LINGO2: variants seen among roughly 807,000 people sequenced by gnomAD.
LINGO2 encodes the protein leucine rich repeat and Ig domain containing 2.
In LINGO2, 14 loss-of-function variants were observed where a neutral mutation model predicts 30.6. The ratio of observed to expected loss-of-function variants is 0.46; its 90% CI spans 0.30 to 0.72. The LOEUF (loss-of-function observed/expected upper bound fraction) is 0.72, where lower values mean the gene tolerates loss of function less well. Among genes scored for constraint, LINGO2 ranks in the 30% least tolerant of loss-of-function variants. The pLI is 0.07. For synonymous variants in LINGO2, 317 were observed against 288.5 expected (o/e 1.10, Z -1.00); for missense variants, 729 against 751.7 (o/e 0.97, Z 0.35).
chr9:28,611,395 G>C (rs1428887676), intron 1 of LINGO2, among the ~76,000 whole-genome samples: 1 of 151,846 alleles, frequency 6.6e-6, no homozygotes, highest in Non-Finnish European at 1.5e-5. Flanking sequence ...TTAAATGTGA[G>C]AGAGAGCATC....
chr9:28,506,511 T>G (rs1201525394), intron 1 of LINGO2, among the ~76,000 whole-genome samples: 9 of 49,188 alleles, frequency 1.8e-4, no homozygotes, highest in African/African-American at 2.3e-4. Context: ...CAGACATATA[T>G]ATATATATAT....
chr9:28,448,476 T>TA (rs1346687921), intron 2 of LINGO2, among the ~76,000 whole-genome samples: 2 of 152,086 alleles, frequency 1.3e-5, no homozygotes, highest in Non-Finnish European at 2.9e-5. Flanking sequence ...AGACGTTTGT[T>TA]AAAAAATACA....
At chr9:29,104,767 C>A in the LINGO2 span, among the ~76,000 whole-genome samples, 1 of 152,136 alleles carries the variant, frequency 6.6e-6, no homozygotes, top group African/African-American at 2.4e-5. Context: ...TTAAAAACTT[C>A]TATCATATGA....
At chr9:28,536,016 T>C (rs1162657629) in intron 1 of LINGO2, among the ~76,000 whole-genome samples, 6 of 152,160 alleles carry the variant, frequency 3.9e-5, no homozygotes, top group African/African-American at 1.4e-4. Flanking sequence ...TTTTATTTTA[T>C]TATTTTTGTT....
chr9:28,375,020 T>G (rs1205552069), intron 2 of LINGO2, among the ~76,000 whole-genome samples: 1 of 151,670 alleles, frequency 6.6e-6, no homozygotes, highest in African/African-American at 2.4e-5. Context: ...TTGGACCTTT[T>G]CTGGACTTTG....
intron 5 of LINGO2, among the ~76,000 whole-genome samples, chr9:27,972,019 AT>A (rs1820379494): frequency 1.3e-5 from 2 of 152,134 alleles, no homozygotes; most frequent in South Asian, 4.1e-4. Flanking sequence ...GTTTGTTTAT[AT>A]TTTTCTTCTT....
In LINGO2 at chr9:28,425,968, T is replaced by A. The variant is rs146015939; in HGVS notation, c.-279+49972A>T. 3.5e-3 allele frequency among the ~76,000 whole-genome samples: 530 copies of A among 152,162 alleles called. 6 individuals are homozygous for A. Among genetic ancestry groups the A allele is most frequent in the Non-Finnish European group, 5.3e-3 (363 of 67,978 alleles). On this transcript the variant is annotated intron_variant, in intron 2 of 5. Transcript: ENST00000379992. ...TTTTTGAGATCTACTTTAGGCGTAT[T>A]TTCAAGATTAAATTCATCTATAACT...
intron 4 of LINGO2, among the ~76,000 whole-genome samples, chr9:28,283,730 G>A (rs903132834): frequency 4.6e-5 from 7 of 152,036 alleles, no homozygotes; most frequent in African/African-American, 1.7e-4. Context: ...CTACATTTCA[G>A]AGTACACATA....
chr9:28,744,760 C>T, the LINGO2 span, among the ~76,000 whole-genome samples: 1 of 151,320 alleles, frequency 6.6e-6, no homozygotes. Context: ...CCTTAGCATC[C>T]TGAGTAGCTG....
chr9:28,730,823 T>C, the LINGO2 span, among the ~76,000 whole-genome samples: 2 of 152,216 alleles, frequency 1.3e-5, no homozygotes, highest in African/African-American at 4.8e-5. Flanking sequence ...CTGAAAAACC[T>C]ATCAGAATAG....
chr9:28,789,048 A>T, the LINGO2 span, among the ~76,000 whole-genome samples: 2 of 152,210 alleles, frequency 1.3e-5, no homozygotes, highest in Non-Finnish European at 2.9e-5. Flanking sequence ...TATAATCCTC[A>T]TAGCATATGT....
intron 4 of LINGO2, among the ~76,000 whole-genome samples, chr9:28,195,208 C>T (rs10968379): frequency 2.6e-5 from 4 of 151,426 alleles, no homozygotes; most frequent in Admixed American, 6.6e-5. Context: ...GTATAGGAAC[C>T]AGCTACAATA....
chr9:29,013,901 G>C, the LINGO2 span, among the ~76,000 whole-genome samples: 1 of 151,904 alleles, frequency 6.6e-6, no homozygotes, highest in East Asian at 1.9e-4. Context: ...TAACTCATCA[G>C]GCACTTCATT....
intron 5 of LINGO2, among the ~76,000 whole-genome samples, chr9:28,010,490 A>G (rs1294619472): frequency 2.6e-5 from 4 of 152,142 alleles, no homozygotes; most frequent in African/African-American, 4.8e-5. Flanking sequence ...TTACATGGAA[A>G]CTCAATGTAT....
At chr9:29,172,384 A>G in the LINGO2 span, among the ~76,000 whole-genome samples, 1 of 151,830 alleles carries the variant, frequency 6.6e-6, no homozygotes, top group African/African-American at 2.4e-5. Context: ...ACTCAAATTT[A>G]TTCCCAGGAA....
intron 1 of LINGO2, among the ~76,000 whole-genome samples, chr9:28,581,488 T>C (rs1824255528): frequency 6.6e-6 from 1 of 151,114 alleles, no homozygotes; most frequent in Non-Finnish European, 1.5e-5. Flanking sequence ...AAACCCAAGA[T>C]TCATGTAAAT....
chr9:29,160,683 G>A, the LINGO2 span, among the ~76,000 whole-genome samples: 4 of 152,058 alleles, frequency 2.6e-5, no homozygotes, highest in Non-Finnish European at 4.4e-5. Flanking sequence ...TAATGCTAAG[G>A]GACAGATATA....
chr9:28,813,296 C>T, the LINGO2 span, among the ~76,000 whole-genome samples: 6 of 152,264 alleles, frequency 3.9e-5, no homozygotes, highest in African/African-American at 1.4e-4. Flanking sequence ...ATATGGTTTT[C>T]TCTACGCATA....
intron 2 of LINGO2, among the ~76,000 whole-genome samples, chr9:28,466,574 A>G (rs1372825020): frequency 1.3e-5 from 2 of 152,314 alleles, no homozygotes; most frequent in East Asian, 1.9e-4. Flanking sequence ...TTAATTGTAC[A>G]TTTTGAAATA....
Sources: allele counts gnomAD v4.1 joint callset (sites outside exome capture counted in the v4.1 genomes callset), GRCh38; gene constraint gnomAD v4.1.1; transcripts MANE v1.5; gene names NCBI Gene and HGNC (gene_info 2026-07-23, HGNC 2026-07-21).